RANBP2: variants seen among roughly 807,000 people sequenced by gnomAD.
RANBP2 encodes the protein RAN binding protein 2, also known as E3 SUMO-protein ligase RanBP2.
Under a neutral mutation model 303.6 loss-of-function variants are expected in RANBP2, and 57 were observed. That is an observed-to-expected ratio of 0.19 (90% CI 0.15 to 0.23). The LOEUF (loss-of-function observed/expected upper bound fraction) is 0.23, where lower values mean the gene tolerates loss of function less well. Among genes scored for constraint, RANBP2 ranks in the 10% least tolerant of loss-of-function variants. The probability of loss-of-function intolerance (pLI) is 1.00; values close to 1 mark genes in which losing one functional copy is unlikely to be tolerated. For synonymous variants in RANBP2, 1,167 were observed against 1,301.5 expected (o/e 0.90, Z 2.23); for missense variants, 3,138 against 3,780.8 (o/e 0.83, Z 4.46).
chr2:109,264,227 C>T, the RANBP2 span, among the ~76,000 whole-genome samples: 2 of 143,918 alleles, frequency 1.4e-5, no homozygotes, highest in Non-Finnish European at 3.0e-5. Flanking sequence ...CACTCCGAGT[C>T]TGTGGGTGCT....
At chr2:109,277,826 A>G in the RANBP2 span, among the ~76,000 whole-genome samples, 1 of 152,188 alleles carries the variant, frequency 6.6e-6, no homozygotes, top group South Asian at 2.1e-4. Flanking sequence ...TTAAAAGTGG[A>G]GAAACAGTGG....
the RANBP2 span, among the ~76,000 whole-genome samples, chr2:109,272,240 G>A: frequency 6.6e-6 from 1 of 152,204 alleles, no homozygotes; most frequent in Non-Finnish European, 1.5e-5. Flanking sequence ...GCTGCTTCTT[G>A]CTTGTCTAGG....
At chr2:108,763,128 A>G (rs1676854804) in intron 19 of RANBP2, 109 bp from the exon 20 acceptor site, 2 of 1,256,220 alleles carry the variant, frequency 1.6e-6, no homozygotes, top group East Asian at 2.5e-5. Context: ...CCCTAATGAG[A>G]TCTTCTTCAC....
At chr2:108,854,679 C>A in the RANBP2 span, among the ~76,000 whole-genome samples, 1 of 152,118 alleles carries the variant, frequency 6.6e-6, no homozygotes, top group Admixed American at 6.6e-5. Flanking sequence ...AATTTGGGCT[C>A]AGCTCATCTG....
chr2:109,335,750 G>A, the RANBP2 span, among the ~76,000 whole-genome samples: 2 of 152,328 alleles, frequency 1.3e-5, no homozygotes, highest in South Asian at 4.1e-4. Context: ...CAAGTAACGG[G>A]CACTCATTCC....
the RANBP2 span, among the ~76,000 whole-genome samples, chr2:108,800,437 G>C: frequency 6.6e-6 from 1 of 151,680 alleles, no homozygotes; most frequent in African/African-American, 2.4e-5. Context: ...GCTAATTTTT[G>C]TATTTTTAGT....
chr2:109,637,564 A>T, the RANBP2 span, among the ~76,000 whole-genome samples: 2 of 152,146 alleles, frequency 1.3e-5, no homozygotes, highest in Non-Finnish European at 2.9e-5. Context: ...CCCCTGGTTT[A>T]TTGAGACTAG....
chr2:109,090,310 TCACACACA>T, the RANBP2 span, among the ~76,000 whole-genome samples: 3,200 of 109,642 alleles, frequency 0.029, 61 homozygotes, highest in African/African-American at 0.055. Flanking sequence ...ACACCTCGCC[TCACACACA>T]CACACACACA....
chr2:109,498,024 A>T, the RANBP2 span, among the ~76,000 whole-genome samples: 1 of 151,786 alleles, frequency 6.6e-6, no homozygotes, highest in Non-Finnish European at 1.5e-5. Context: ...GTTTGTGTGT[A>T]TGCTGTCTGA....
chr2:109,313,753 C>G, the RANBP2 span: 1 of 154,994 alleles, frequency 6.5e-6, no homozygotes, highest in East Asian at 1.9e-4. Context: ...CTTCCGGTTT[C>G]TTTGTAGCGA....
chr2:108,907,676 G>A, the RANBP2 span, among the ~76,000 whole-genome samples: 1 of 151,726 alleles, frequency 6.6e-6, no homozygotes, highest in Non-Finnish European at 1.5e-5. Flanking sequence ...ACTCAAAAAC[G>A]AAAGGGTTTT....
the RANBP2 span, among the ~76,000 whole-genome samples, chr2:108,836,680 T>A: frequency 1.2e-3 from 180 of 152,360 alleles, no homozygotes; most frequent in African/African-American, 4.3e-3. Context: ...AATACCATGT[T>A]TTCTAACCCA....
chr2:108,737,242 A>G (rs2149135954), intron 6 of RANBP2, among the ~76,000 whole-genome samples: 1 of 152,088 alleles, frequency 6.6e-6, no homozygotes, highest in South Asian at 2.1e-4. Context: ...TATTCTTTGT[A>G]TACTCAAATT....
the RANBP2 span, among the ~76,000 whole-genome samples, chr2:109,567,352 C>T: frequency 6.6e-5 from 10 of 152,248 alleles, no homozygotes; most frequent in Middle Eastern, 0.014. Flanking sequence ...AGTCACCTTC[C>T]ATTGTACTAA....
chr2:108,730,689 C>G (rs552971331), intron 2 of RANBP2, 85 bp from the exon 3 acceptor site: 1 of 1,516,428 alleles, frequency 6.6e-7, no homozygotes, highest in Non-Finnish European at 9.1e-7. Flanking sequence ...TTAGTGGTTG[C>G]TTTGGTTTAA....
chr2:109,109,958 A>G, the RANBP2 span, among the ~76,000 whole-genome samples: 1 of 152,080 alleles, frequency 6.6e-6, no homozygotes, highest in South Asian at 2.1e-4. Flanking sequence ...TTCTGTGCTG[A>G]AAGTTGTTTA....
At chr2:108,830,312 A>G in the RANBP2 span, among the ~76,000 whole-genome samples, 1 of 152,226 alleles carries the variant, frequency 6.6e-6, no homozygotes, top group Non-Finnish European at 1.5e-5. Flanking sequence ...GGCATTTTGC[A>G]AAAGTTTTGG....
the RANBP2 span, among the ~76,000 whole-genome samples, chr2:108,962,698 A>AG: frequency 9.9e-3 from 1,252 of 126,044 alleles, 138 homozygotes; most frequent in African/African-American, 0.034. Flanking sequence ...AAAAAAAAAA[A>AG]AAAGAGAGAA....
the RANBP2 span, among the ~76,000 whole-genome samples, chr2:109,480,853 C>T: frequency 6.6e-6 from 1 of 152,146 alleles, no homozygotes; most frequent in African/African-American, 2.4e-5. Flanking sequence ...TGTTCTCTAG[C>T]TTGGAGCTTG....
Sources: gnomAD v4.1 joint callset for allele counts (sites outside exome capture counted in the v4.1 genomes callset) on GRCh38, gnomAD v4.1.1 for gene constraint, MANE v1.5 for transcripts, NCBI Gene and HGNC (gene_info 2026-07-23, HGNC 2026-07-21) for gene names.